CTNND2: variants seen among roughly 807,000 people sequenced by gnomAD.
The protein encoded by CTNND2 is catenin delta-2.
A neutral mutation model predicts 144.4 loss-of-function variants in CTNND2; 22 were observed. The observed-to-expected ratio is 0.15, with a 90% CI of 0.11 to 0.22. CTNND2 has a LOEUF of 0.22. Ranked by LOEUF, CTNND2 falls within the 10% of genes least tolerant of loss-of-function variation. The pLI is 1.00. For synonymous variants in CTNND2, 751 were observed against 695.6 expected, an observed-to-expected ratio of 1.08 and a Z score of -1.25; for missense variants, 1,353 against 1,618.8, an observed-to-expected ratio of 0.84 and a Z score of 2.82.
intron 11 of CTNND2, among the ~76,000 whole-genome samples, chr5:11,164,290 T>C (rs1759082190): frequency 6.6e-6 from 1 of 152,158 alleles, no homozygotes; most frequent in Admixed American, 6.5e-5. Context: ...CTCTGGAAAT[T>C]AGGGGGTGGG....
At chr5:11,300,030 T>C (rs575356115) in intron 9 of CTNND2, among the ~76,000 whole-genome samples, 38 of 152,308 alleles carry the variant, frequency 2.5e-4, no homozygotes, top group African/African-American at 7.7e-4. Flanking sequence ...AGGGCTATTG[T>C]ATTCATTTAT....
intron 1 of CTNND2, among the ~76,000 whole-genome samples, chr5:11,750,581 A>C (rs181764363): frequency 6.6e-6 from 1 of 151,976 alleles, no homozygotes; most frequent in East Asian, 1.9e-4. Context: ...TTGAAAAACA[A>C]ATTTTGTTTT....
intron 1 of CTNND2, among the ~76,000 whole-genome samples, chr5:11,894,720 A>G (rs1444857239): frequency 6.6e-6 from 1 of 152,224 alleles, no homozygotes; most frequent in African/African-American, 2.4e-5. Flanking sequence ...AACAAATGAC[A>G]AAATAGGCAA....
intron 6 of CTNND2, among the ~76,000 whole-genome samples, chr5:11,394,321 G>A (rs1759882295): frequency 6.6e-6 from 1 of 152,170 alleles, no homozygotes; most frequent in African/African-American, 2.4e-5. Flanking sequence ...TGGGCTCATG[G>A]CATCAATTGG....
chr5:11,390,139 C>T (rs1389400797), intron 6 of CTNND2, among the ~76,000 whole-genome samples: 1 of 152,176 alleles, frequency 6.6e-6, no homozygotes, highest in Non-Finnish European at 1.5e-5. Flanking sequence ...CTCAACAATT[C>T]CCTTATATGG....
intron 16 of CTNND2, among the ~76,000 whole-genome samples, chr5:11,060,252 A>G (rs1482463469): frequency 2.0e-5 from 3 of 152,192 alleles, no homozygotes; most frequent in Non-Finnish European, 2.9e-5. Context: ...TTTCATTATA[A>G]TATATTCCAT....
intron 9 of CTNND2, among the ~76,000 whole-genome samples, chr5:11,322,954 G>A (rs969285170): frequency 7.2e-5 from 11 of 152,118 alleles, no homozygotes; most frequent in Non-Finnish European, 1.2e-4. Context: ...TTAGTTCTGT[G>A]GGCAGATGTG....
At chr5:11,749,922 A>G (rs1277277906) in intron 1 of CTNND2, among the ~76,000 whole-genome samples, 4 of 152,050 alleles carry the variant, frequency 2.6e-5, no homozygotes, top group African/African-American at 9.7e-5. Flanking sequence ...AGTGCATATC[A>G]TAATCTATAA....
intron 3 of CTNND2, among the ~76,000 whole-genome samples, chr5:11,449,558 T>C (rs1301996453): frequency 6.6e-6 from 1 of 152,146 alleles, no homozygotes; most frequent in Non-Finnish European, 1.5e-5. Context: ...GAGGCAGGGG[T>C]TGCATATCAT....
At chr5:11,254,040 A>C (rs981545395) in intron 9 of CTNND2, among the ~76,000 whole-genome samples, 2 of 152,258 alleles carry the variant, frequency 1.3e-5, no homozygotes, top group Admixed American at 6.5e-5. Context: ...GCTTTACATC[A>C]AACGGGTATT....
At chr5:11,900,777 G>A (rs1737789017) in intron 1 of CTNND2, among the ~76,000 whole-genome samples, 1 of 152,186 alleles carries the variant, frequency 6.6e-6, no homozygotes, top group Admixed American at 6.5e-5. Context: ...AGCCAGCAAA[G>A]AACCACACCT....
chr5:11,477,857 G>A (rs1425428124), intron 3 of CTNND2, among the ~76,000 whole-genome samples: 2 of 152,142 alleles, frequency 1.3e-5, no homozygotes, highest in East Asian at 3.8e-4. Context: ...AGAGAATGTT[G>A]TTATGAATAG....
intron 3 of CTNND2, among the ~76,000 whole-genome samples, chr5:11,492,596 A>G (rs1302528226): frequency 1.3e-5 from 2 of 151,672 alleles, no homozygotes; most frequent in East Asian, 3.9e-4. Flanking sequence ...AAAAGAAATA[A>G]ACTAATACAA....
chr5:11,576,416 AATAT>A (rs1178916411), intron 2 of CTNND2, among the ~76,000 whole-genome samples: 3 of 150,014 alleles, frequency 2.0e-5, no homozygotes, highest in Non-Finnish European at 4.4e-5. Context: ...ATTATATATA[AATAT>A]ATATAATTTT....
At chr5:11,354,007 AG>A (rs1369525315) in intron 8 of CTNND2, among the ~76,000 whole-genome samples, 1 of 152,156 alleles carries the variant, frequency 6.6e-6, no homozygotes, top group Non-Finnish European at 1.5e-5. Context: ...GAGTAAGATG[AG>A]GGGACCGAGC....
At chr5:11,646,166 GT>G (rs1279685338) in intron 2 of CTNND2, among the ~76,000 whole-genome samples, 1 of 151,590 alleles carries the variant, frequency 6.6e-6, no homozygotes, top group Non-Finnish European at 1.5e-5. Flanking sequence ...CTCTAGCCTT[GT>G]TTTTTGTTTT....
chr5:11,680,920 T>C (rs1784396526), intron 2 of CTNND2, among the ~76,000 whole-genome samples: 1 of 152,078 alleles, frequency 6.6e-6, no homozygotes, highest in East Asian at 1.9e-4. Flanking sequence ...GGAATGCTAG[T>C]GGAGAGAAAG....
At chr5:11,103,529 G>A (rs938753091) in intron 14 of CTNND2, among the ~76,000 whole-genome samples, 4 of 151,906 alleles carry the variant, frequency 2.6e-5, no homozygotes, top group Non-Finnish European at 4.4e-5. Flanking sequence ...AATCAGCTGG[G>A]TGTGGTGGCG....
chr5:11,131,967 AG>A, intron 12 of CTNND2, among the ~76,000 whole-genome samples: 1 of 150,232 alleles, frequency 6.7e-6, no homozygotes, highest in East Asian at 2.0e-4. Flanking sequence ...TAGATGGTAA[AG>A]TTTTCCTTGA....
Sources: allele counts gnomAD v4.1 joint callset (sites outside exome capture counted in the v4.1 genomes callset), GRCh38; gene constraint gnomAD v4.1.1; transcripts MANE v1.5; gene names NCBI Gene and HGNC (gene_info 2026-07-23, HGNC 2026-07-21).